The following EPB41L3 variants were observed in gnomAD, a reference collection of about 807,000 sequenced individuals.
The protein encoded by EPB41L3 is erythrocyte membrane protein band 4.1 like 3.
Under a neutral mutation model 127.1 loss-of-function variants are expected in EPB41L3, and 57 were observed. That is an observed-to-expected ratio of 0.45 (90% CI 0.36 to 0.56). EPB41L3 has a LOEUF of 0.56. EPB41L3 is among the 20% of genes least tolerant of loss of function. The probability of loss-of-function intolerance (pLI) is 0.00; values close to 1 mark genes in which losing one functional copy is unlikely to be tolerated. For missense variants in EPB41L3, 1,273 were observed against 1,372.2 expected (o/e 0.93, Z 1.14); for synonymous variants, 572 against 549.5 (o/e 1.04, Z -0.57).
chr18:5,612,260 T>G (rs1465297001), intron 3 of EPB41L3: 1 of 152,280 alleles, frequency 6.6e-6, no homozygotes. Context: ...TTCAAGAAAT[T>G]TTGTCTTATT....
intron 1 of EPB41L3, among the ~76,000 whole-genome samples, chr18:5,527,709 G>A (rs2093276569): frequency 6.6e-6 from 1 of 152,224 alleles, no homozygotes; most frequent in Non-Finnish European, 1.5e-5. Context: ...ACACTAAGCG[G>A]CAAAGGATGA....
chr18:5,482,926 CAAA>C (rs2088874929), intron 2 of EPB41L3, among the ~76,000 whole-genome samples: 1 of 152,114 alleles, frequency 6.6e-6, no homozygotes, highest in African/African-American at 2.4e-5. Context: ...TTCAATGTAT[CAAA>C]CCTAGTGGTA....
rs374264467 is a variant in EPB41L3, at chr18:5,428,319, C to T, written c.1059G>A (p.Pro353=). ...CAAATGTGGGTATACTTACCTCTCCCGGCCGGATCTTAATGTAAAAGTTGT... is the reference window on the plus strand; with the variant it reads ...CAAATGTGGGTATACTTACCTCTCCTGGCCGGATCTTAATGTAAAAGTTGT... ...KRNNFYIKIR[P]GEFEQFESTI... Residue 353 remains proline, a synonymous_variant, in exon 9 of 23, where the codon CCG becomes CCA. Coordinates refer to ENST00000341928, the MANE Select transcript of EPB41L3 (RefSeq NM_012307.5). The T allele has an allele frequency of 2.9e-5, 47 of 1,613,980 alleles. No homozygotes were observed. The East Asian group carries it at 6.7e-4, about 23-fold the overall frequency.
rs751245593 is a variant in EPB41L3, at chr18:5,433,887, C to T, written c.824+16G>A. The T allele has an allele frequency of 6.2e-7, 1 of 1,613,650 alleles. No individual in the cohort carries two copies. The highest frequency in any genetic ancestry group is 1.3e-5 in the African/African-American group (1 of 75,036). ...CATCAAGGCACAACTTAAATGAACACCTTTCTGCCTCTAACCTGTGGCTCT... is the reference window on the plus strand; with the variant it reads ...CATCAAGGCACAACTTAAATGAACATCTTTCTGCCTCTAACCTGTGGCTCT... On this transcript the variant is annotated intron_variant, in intron 7 of 22. Transcript: ENST00000341928.
At chr18:5,505,755 T>C (rs2092126722) in intron 1 of EPB41L3, among the ~76,000 whole-genome samples, 1 of 99,028 alleles carries the variant, frequency 1.0e-5, no homozygotes, top group African/African-American at 4.0e-5. Context: ...CCTCCACCCC[T>C]TCCCTCCACA....
rs772057472 is a variant in EPB41L3 at position 5,416,329 on chromosome 18, T to A, written c.1556A>T (p.His519Leu). The A allele has an allele frequency of 1.2e-6, 2 of 1,613,620 alleles. No homozygotes were observed. Among genetic ancestry groups the A allele is most frequent in the Non-Finnish European group, 8.5e-7 (1 of 1,179,936 alleles). ...DSCPLSPPST[H>L]CAPTSPTELR... ...CTCTGTGGGAGATGTGGGGGCACAA[T>A]GGGTGGATGGGGGTGACAAGGGACA... Residue 519 changes from histidine (H) to leucine (L), a missense_variant, in exon 13 of 23, where the codon CAT becomes CTT. Physicochemically the swap from His to Leu is moderately conservative, Grantham distance 99. Coordinates refer to ENST00000341928, the MANE Select transcript of EPB41L3 (RefSeq NM_012307.5).
rs1428045848 is a variant in EPB41L3 at position 5,489,155 on chromosome 18, T to C, written c.29A>G (p.Glu10Gly). The C allele has an allele frequency of 2.5e-6, 4 of 1,597,304 alleles. No homozygotes were observed. Among genetic ancestry groups the C allele is most frequent in the Non-Finnish European group, 3.4e-6 (4 of 1,175,372 alleles). Residue 10 changes from glutamate to glycine, a missense_variant, in exon 2 of 23, where the codon GAA becomes GGA. Around this residue, in one of 3 missense-constraint regions of EPB41L3, gnomAD observed 182 missense variants for 149.2 expected, o/e 1.22. Coordinates refer to ENST00000341928, the MANE Select transcript of EPB41L3 (RefSeq NM_012307.5). Reference sequence around the variant, plus strand: ...CTCGGCCTCCTGGTCCGGCTTGGATTCCGAGTCTGATCCAGATTCGGTCGT... The same window carrying C: ...CTCGGCCTCCTGGTCCGGCTTGGATCCCGAGTCTGATCCAGATTCGGTCGT... MTTESGSDSESKPDQEAEPQ... is the reference protein window; with the variant it reads MTTESGSDSGSKPDQEAEPQ...
chr18:5,468,927 CAAA>C lies in EPB41L3; in HGVS notation c.381+9311_381+9313del, dbSNP rs1320652502. On this transcript the variant is annotated intron_variant, in intron 3 of 22. Coordinates refer to ENST00000341928, the MANE Select transcript of EPB41L3 (RefSeq NM_012307.5). ...AGACTCCATCTCAAAAAACAAAAAA[CAAA>C]AAACAAACAAACAAACAAACAAACA... Among the ~76,000 whole-genome samples, 38 of 74,180 alleles carry C rather than the reference CAAA, an allele frequency of 5.1e-4. No homozygotes were observed. In the East Asian group the frequency reaches 0.013, roughly 25 times the overall value. 48.7% of individuals were successfully genotyped at this position (74,180 alleles called of 152,430 possible).
At chr18:5,629,679 G>T (rs952756388), upstream of EPB41L3, among the ~76,000 whole-genome samples, 5 of 152,260 alleles carry the variant, frequency 3.3e-5, no homozygotes, top group Non-Finnish European at 7.4e-5. Context: ...CGAGCTGCAG[G>T]GGGGCGGGGA....
intron 1 of EPB41L3, among the ~76,000 whole-genome samples, chr18:5,536,889 C>T (rs1404206914): frequency 6.6e-6 from 1 of 152,086 alleles, no homozygotes; most frequent in African/African-American, 2.4e-5. Flanking sequence ...GTATTTAAGA[C>T]AGAAGTCTAT....
At chr18:5,459,961 T>C (rs1362838616) in intron 3 of EPB41L3, among the ~76,000 whole-genome samples, 2 of 152,216 alleles carry the variant, frequency 1.3e-5, no homozygotes, top group Non-Finnish European at 2.9e-5. Context: ...ATTGGGATAT[T>C]GCATGATGCT....
intron 1 of EPB41L3, among the ~76,000 whole-genome samples, chr18:5,519,278 G>C (rs992541252): frequency 1.3e-5 from 2 of 152,194 alleles, no homozygotes; most frequent in African/African-American, 4.8e-5. Context: ...GCTCAGGAAG[G>C]CTGTCAAACT....
At chr18:5,522,229 G>A (rs1189721770) in intron 1 of EPB41L3, among the ~76,000 whole-genome samples, 3 of 151,946 alleles carry the variant, frequency 2.0e-5, no homozygotes, top group African/African-American at 7.3e-5. Flanking sequence ...TCAGCCTCCC[G>A]AGTAGCTGGG....
rs770306493 is a variant in EPB41L3, at chr18:5,433,563, A to G, written c.825-7T>C. On this transcript the variant is annotated splice_polypyrimidine_tract_variant and splice_region_variant and intron_variant, in intron 7 of 22. Transcript: ENST00000341928. Reference sequence around the variant, plus strand: ...TTCTGCTGGCGTCATTCCTCTGATGAGAAGAAAAATATGTTACAATGATGC... The same window carrying G: ...TTCTGCTGGCGTCATTCCTCTGATGGGAAGAAAAATATGTTACAATGATGC... 3.7e-6 allele frequency: 6 copies of G among 1,609,202 alleles called. No individual in the cohort carries two copies. The highest frequency in any genetic ancestry group is 5.1e-6 in the Non-Finnish European group (6 of 1,177,766).
intron 3 of EPB41L3, among the ~76,000 whole-genome samples, chr18:5,462,954 C>T (rs2084291397): frequency 6.6e-6 from 1 of 152,176 alleles, no homozygotes; most frequent in Non-Finnish European, 1.5e-5. Context: ...ATTCTACATC[C>T]ATTGGTAGTA....
chr18:5,504,413 ATTCTT>A (rs1369637715), intron 1 of EPB41L3, among the ~76,000 whole-genome samples: 1 of 152,144 alleles, frequency 6.6e-6, no homozygotes, highest in Admixed American at 6.5e-5. Context: ...TCTTCACTGT[ATTCTT>A]TTCTTTTCAC....
At chr18:5,517,401 C>A (rs2092792021) in intron 1 of EPB41L3, among the ~76,000 whole-genome samples, 1 of 152,026 alleles carries the variant, frequency 6.6e-6, no homozygotes, top group Admixed American at 6.5e-5. Flanking sequence ...ATGTATACAA[C>A]CCCTCCCCTT....
At chr18:5,528,312 C>T (rs2093301253) in intron 1 of EPB41L3, among the ~76,000 whole-genome samples, 1 of 151,974 alleles carries the variant, frequency 6.6e-6, no homozygotes, top group African/African-American at 2.4e-5. Flanking sequence ...GCTGGAACTA[C>T]AGGCACACAC....
intron 1 of EPB41L3, among the ~76,000 whole-genome samples, chr18:5,615,437 A>G (rs569047088): frequency 1.3e-5 from 2 of 152,124 alleles, no homozygotes; most frequent in African/African-American, 4.8e-5. Context: ...AGATGTTTTG[A>G]TACATGGGGG....
Sources: allele counts gnomAD v4.1 joint callset (sites outside exome capture counted in the v4.1 genomes callset), GRCh38; gene constraint gnomAD v4.1.1; regional missense constraint gnomAD v4.1.1; transcripts MANE v1.5; gene names NCBI Gene and HGNC (gene_info 2026-07-23, HGNC 2026-07-21).